The following ZFHX3 variants were observed in gnomAD, a reference collection of about 807,000 sequenced individuals.
ZFHX3 encodes zinc finger homeobox protein 3.
Under a neutral mutation model 279.1 loss-of-function variants are expected in ZFHX3, and 42 were observed. That is an observed-to-expected ratio of 0.15 (90% confidence interval 0.12 to 0.19). The LOEUF is 0.19. Among genes scored for constraint, ZFHX3 ranks in the 10% least tolerant of loss-of-function variants. The probability of loss-of-function intolerance (pLI) is 1.00; values close to 1 mark genes in which losing one functional copy is unlikely to be tolerated. For synonymous variants in ZFHX3, 2,293 were observed against 1,957.8 expected (o/e 1.17, Z -4.52); for missense variants, 4,981 against 4,754.0 (o/e 1.05, Z -1.40).
At chr16:73,362,903 A>C (rs555722087) in intron 3 of ZFHX3, among the ~76,000 whole-genome samples, 5 of 152,284 alleles carry the variant, frequency 3.3e-5, no homozygotes, top group Non-Finnish European at 7.3e-5. Context: ...ATATACAAGT[A>C]AGAATTGCTA....
chr16:73,262,641 G>A (rs1199016529), intron 4 of ZFHX3, among the ~76,000 whole-genome samples: 1 of 152,188 alleles, frequency 6.6e-6, no homozygotes, highest in African/African-American at 2.4e-5. Context: ...TTTGGCCCTA[G>A]AACATAGGAG....
intron 2 of ZFHX3, among the ~76,000 whole-genome samples, chr16:73,526,199 A>T (rs2019691124): frequency 6.6e-6 from 1 of 152,240 alleles, no homozygotes; most frequent in Non-Finnish European, 1.5e-5. Flanking sequence ...GCACTCAGAG[A>T]AACAATTTAA....
chr16:73,319,916 G>C (rs948139735), intron 3 of ZFHX3, among the ~76,000 whole-genome samples: 1 of 152,188 alleles, frequency 6.6e-6, no homozygotes, highest in Non-Finnish European at 1.5e-5. Flanking sequence ...GTGATGGTTT[G>C]TTCACATGGC....
intron 1 of ZFHX3, among the ~76,000 whole-genome samples, chr16:73,771,012 G>C (rs77429629): frequency 0.011 from 1,606 of 152,280 alleles, 31 homozygotes; most frequent in African/African-American, 0.037. Flanking sequence ...GTGAGATCTT[G>C]AGCAAGTCAC....
intron 1 of ZFHX3, among the ~76,000 whole-genome samples, chr16:73,890,525 G>A (rs759281030): frequency 1.3e-5 from 2 of 152,134 alleles, no homozygotes; most frequent in African/African-American, 4.8e-5. Context: ...CCACCCAACC[G>A]ATCTAGTGAA....
intron 4 of ZFHX3, among the ~76,000 whole-genome samples, chr16:72,840,123 CAA>C (rs11453519): frequency 2.9e-5 from 4 of 137,872 alleles, no homozygotes; most frequent in African/African-American, 5.3e-5. Context: ...ATGCTTAATG[CAA>C]AAAAAAAAAA....
intron 7 of ZFHX3, among the ~76,000 whole-genome samples, chr16:73,094,285 C>A (rs1358440506): frequency 6.6e-6 from 1 of 152,196 alleles, no homozygotes; most frequent in African/African-American, 2.4e-5. Flanking sequence ...TTTTAGAGAT[C>A]TGAACAGTAA....
chr16:73,143,889 C>G (rs912860214), intron 5 of ZFHX3: 1 of 684,348 alleles, frequency 1.5e-6, no homozygotes. Flanking sequence ...CAAACCTTCG[C>G]AGGCCAAGTG....
chr16:72,963,792 G>A (rs1437908747), intron 1 of ZFHX3, among the ~76,000 whole-genome samples: 1 of 152,132 alleles, frequency 6.6e-6, no homozygotes, highest in Non-Finnish European at 1.5e-5. Context: ...GGTGGGAGGG[G>A]TGCAGTTATG....
At chr16:73,297,742 A>T (rs184385885) in intron 4 of ZFHX3, among the ~76,000 whole-genome samples, 139 of 152,058 alleles carry the variant, frequency 9.1e-4, no homozygotes, top group Non-Finnish European at 1.6e-3. Flanking sequence ...TTATTACGTG[A>T]CCTTGGGCAA....
At chr16:73,558,507 CCTCT>C (rs2020320226) in intron 2 of ZFHX3, 2 of 152,084 alleles carry the variant, frequency 1.3e-5, no homozygotes. Context: ...ACTGTCAGGG[CCTCT>C]TATTTCTCAT....
intron 4 of ZFHX3, among the ~76,000 whole-genome samples, chr16:72,875,525 T>C (rs1426305369): frequency 6.6e-6 from 1 of 152,264 alleles, no homozygotes. Flanking sequence ...GAAGCCTCAG[T>C]GCAGTTTCTA....
At chr16:73,237,704 G>A (rs374743427) in intron 5 of ZFHX3, among the ~76,000 whole-genome samples, 2 of 151,834 alleles carry the variant, frequency 1.3e-5, no homozygotes, top group South Asian at 2.1e-4. Flanking sequence ...GCTCATCCCC[G>A]CCTCACTTCT....
chr16:72,925,095 T>C (rs1400812610), intron 3 of ZFHX3, among the ~76,000 whole-genome samples: 3 of 152,360 alleles, frequency 2.0e-5, no homozygotes, highest in South Asian at 2.1e-4. Flanking sequence ...CAGTGATACC[T>C]GGATACATTG....
chr16:73,818,642 C>T (rs1028305881), intron 1 of ZFHX3, among the ~76,000 whole-genome samples: 7 of 152,204 alleles, frequency 4.6e-5, no homozygotes, highest in Admixed American at 3.9e-4. Flanking sequence ...TCTGGGGTCC[C>T]TGCTGATGCA....
chr16:73,453,281 A>G (rs972094322), intron 3 of ZFHX3, among the ~76,000 whole-genome samples: 4 of 152,224 alleles, frequency 2.6e-5, no homozygotes, highest in Non-Finnish European at 5.9e-5. Flanking sequence ...GGTAGAGTCT[A>G]CTGTTCCATC....
chr16:72,792,623 T>A (rs1385478120), intron 9 of ZFHX3, among the ~76,000 whole-genome samples: 1 of 152,166 alleles, frequency 6.6e-6, no homozygotes, highest in African/African-American at 2.4e-5. Flanking sequence ...GGGTAATTTT[T>A]GTATTTTTAG....
At chr16:73,364,066 G>A (rs1273858098) in intron 3 of ZFHX3, among the ~76,000 whole-genome samples, 1 of 152,018 alleles carries the variant, frequency 6.6e-6, no homozygotes, top group East Asian at 1.9e-4. Context: ...CCAGCTACTT[G>A]GGAGGCTGAC....
chr16:73,127,450 C>T, intron 7 of ZFHX3: 1 of 1,305,430 alleles, frequency 7.7e-7, no homozygotes, highest in Non-Finnish European at 1.0e-6. Flanking sequence ...GGAACTGAGA[C>T]ATCAAGCGAG....
Sources: gnomAD v4.1 joint callset for allele counts (sites outside exome capture counted in the v4.1 genomes callset) on GRCh38, gnomAD v4.1.1 for gene constraint, MANE v1.5 for transcripts, NCBI Gene and HGNC (gene_info 2026-07-23, HGNC 2026-07-21) for gene names.